Variants in TENM3 observed in about 807,000 individuals in gnomAD.
The protein encoded by TENM3 is teneurin-3.
TENM3 carries 63 observed loss-of-function variants against 255.1 expected under a neutral mutation model. The ratio of observed to expected loss-of-function variants is 0.25; its 90% CI spans 0.20 to 0.30. TENM3 has a LOEUF of 0.30. TENM3 is among the 10% of genes least tolerant of loss of function. TENM3 has a pLI of 1.00. For synonymous variants in TENM3, 1,306 were observed against 1,322.3 expected (o/e 0.99, Z 0.27); for missense variants, 2,929 against 3,461.1 (o/e 0.85, Z 3.86).
the TENM3 span, among the ~76,000 whole-genome samples, chr4:181,614,079 A>C: frequency 6.9e-6 from 1 of 143,964 alleles, no homozygotes; most frequent in Non-Finnish European, 1.5e-5. Context: ...TTGTTATTTT[A>C]AATATAAATT....
intron 3 of TENM3, among the ~76,000 whole-genome samples, chr4:182,544,504 T>C (rs372386784): frequency 1.3e-5 from 2 of 152,054 alleles, no homozygotes; most frequent in East Asian, 3.9e-4. Context: ...CTAATTTTTA[T>C]ATTTTTAGTA....
chr4:182,618,786 A>G (rs1422214616), intron 4 of TENM3, among the ~76,000 whole-genome samples: 1 of 152,180 alleles, frequency 6.6e-6, no homozygotes, highest in Non-Finnish European at 1.5e-5. Context: ...TTGAAATGAA[A>G]TGTTATTTTT....
At position 182,802,089 on chromosome 4, in the gene TENM3, A is replaced by G. The variant is rs966139009; in HGVS notation, c.*1738A>G. 1.4e-4 allele frequency: 22 copies of G among 152,688 alleles called. No homozygotes were observed. The highest frequency in any genetic ancestry group is 4.8e-4 in the African/African-American group (20 of 41,466). 9.5% of individuals were successfully genotyped at this position (152,688 alleles called of 1,614,324 possible). ...ATTTTCTAACTGCTTTGTATGTATC[A>G]CATACTCTAAATTGCACAGTAGGCG... On this transcript the variant is annotated 3_prime_UTR_variant, in exon 28 of 28. Coordinates refer to ENST00000511685, the MANE Select transcript of TENM3 (RefSeq NM_001080477.4).
chr4:181,467,099 G>A, the TENM3 span, among the ~76,000 whole-genome samples: 7,751 of 63,594 alleles, frequency 0.12, 893 homozygotes, highest in African/African-American at 0.19. Context: ...GTGTGTGTGT[G>A]TGTGTATATA....
chr4:181,690,230 G>A, the TENM3 span, among the ~76,000 whole-genome samples: 31 of 89,390 alleles, frequency 3.5e-4, no homozygotes, highest in East Asian at 7.6e-3. Context: ...GGGCACATGC[G>A]CGTGAGCGTG....
chr4:182,668,423 T>C (rs142759346), intron 6 of TENM3, among the ~76,000 whole-genome samples: 30 of 152,268 alleles, frequency 2.0e-4, no homozygotes, highest in African/African-American at 6.5e-4. Flanking sequence ...GGCTACCCTT[T>C]TTTAAAGACC....
intron 11 of TENM3, among the ~76,000 whole-genome samples, chr4:182,684,862 C>A (rs922388311): frequency 2.0e-5 from 3 of 152,130 alleles, no homozygotes; most frequent in Non-Finnish European, 4.4e-5. Context: ...TACATGAAAT[C>A]TTGTGCTAAG....
chr4:182,501,623 C>T (rs1222310178), intron 3 of TENM3, among the ~76,000 whole-genome samples: 1 of 152,116 alleles, frequency 6.6e-6, no homozygotes, highest in Non-Finnish European at 1.5e-5. Context: ...GCAATTTTAG[C>T]TGTTCATTTG....
chr4:181,849,930 T>TCTCTCTC, the TENM3 span, among the ~76,000 whole-genome samples: 23 of 84,104 alleles, frequency 2.7e-4, no homozygotes, highest in African/African-American at 8.7e-4. Context: ...CTCTCTCTCT[T>TCTCTCTC]TCTCTCTCTC....
At chr4:182,753,718 T>A (rs1282866073) in intron 21 of TENM3, 114 bp downstream of exon 21, 4 of 942,198 alleles carry the variant, frequency 4.2e-6, no homozygotes, top group Non-Finnish European at 6.2e-6. Context: ...TTGCAGTGGT[T>A]CTGATAGGGC....
chr4:181,611,286 C>A, the TENM3 span, among the ~76,000 whole-genome samples: 2 of 152,170 alleles, frequency 1.3e-5, no homozygotes, highest in East Asian at 3.9e-4. Context: ...CAAAAGATAT[C>A]CTCTGGGCGT....
At chr4:181,781,824 A>G in the TENM3 span, among the ~76,000 whole-genome samples, 1 of 152,202 alleles carries the variant, frequency 6.6e-6, no homozygotes, top group Non-Finnish European at 1.5e-5. Flanking sequence ...AATTTTTAGC[A>G]TGAAGGGCTG....
chr4:182,144,775 G>A (rs1749801654), intron 1 of TENM3: 1 of 149,454 alleles, frequency 6.7e-6, no homozygotes, highest in Non-Finnish European at 1.5e-5. Flanking sequence ...CGCCGCCGCC[G>A]GCGCGCCCTC....
chr4:181,779,235 T>G, the TENM3 span, among the ~76,000 whole-genome samples: 2,046 of 150,680 alleles, frequency 0.014, 24 homozygotes, highest in Middle Eastern at 0.034. Context: ...TTCCAAAGCT[T>G]TCTTTCTTCT....
At chr4:181,468,936 G>A in the TENM3 span, among the ~76,000 whole-genome samples, 7 of 152,020 alleles carry the variant, frequency 4.6e-5, no homozygotes, top group Non-Finnish European at 1.0e-4. Context: ...ATGTAAATTT[G>A]CCTTTTGCTT....
At chr4:182,642,170 C>T (rs774208305) in intron 5 of TENM3, among the ~76,000 whole-genome samples, 13 of 152,200 alleles carry the variant, frequency 8.5e-5, no homozygotes, top group Admixed American at 2.6e-4. Context: ...CTGATCGTGA[C>T]GGTTAACACT....
chr4:181,686,002 A>G, the TENM3 span, among the ~76,000 whole-genome samples: 2 of 152,210 alleles, frequency 1.3e-5, no homozygotes, highest in Non-Finnish European at 2.9e-5. Context: ...TGTATGGGAA[A>G]CAAAATGCAG....
the TENM3 span, among the ~76,000 whole-genome samples, chr4:181,633,541 T>C: frequency 6.6e-6 from 1 of 152,170 alleles, no homozygotes. Flanking sequence ...ATATTCTAAA[T>C]GACCCTGAGC....
chr4:182,496,489 AT>A (rs1185899579), intron 3 of TENM3, among the ~76,000 whole-genome samples: 1 of 151,162 alleles, frequency 6.6e-6, no homozygotes, highest in Non-Finnish European at 1.5e-5. Flanking sequence ...TTGGGTTAGT[AT>A]TTGTTGTCTG....
Sources: gnomAD v4.1 joint callset for allele counts (sites outside exome capture counted in the v4.1 genomes callset) on GRCh38, gnomAD v4.1.1 for gene constraint, MANE v1.5 for transcripts, NCBI Gene and HGNC (gene_info 2026-07-23, HGNC 2026-07-21) for gene names.